The following TMEM132B variants were observed in gnomAD, a reference collection of about 807,000 sequenced individuals.
TMEM132B encodes transmembrane protein 132B.
TMEM132B carries 18 observed loss-of-function variants against 90.8 expected under a neutral mutation model. The observed-to-expected ratio is 0.20, with a 90% CI of 0.14 to 0.29. The LOEUF (loss-of-function observed/expected upper bound fraction) is 0.29. Among genes scored for constraint, TMEM132B ranks in the 10% least tolerant of loss-of-function variants. TMEM132B has a pLI of 1.00. For synonymous variants in TMEM132B, 504 were observed against 523.3 expected, an observed-to-expected ratio of 0.96 and a Z score of 0.50; for missense variants, 1,096 against 1,326.8, an observed-to-expected ratio of 0.83 and a Z score of 2.70.
intron 5 of TMEM132B, among the ~76,000 whole-genome samples, chr12:125,625,501 G>T (rs893016825): frequency 2.6e-5 from 4 of 152,148 alleles, no homozygotes; most frequent in Non-Finnish European, 4.4e-5. Flanking sequence ...TTGATAGTGG[G>T]TTTCTTTTTA....
At chr12:125,447,925 A>C (rs1188366033) in intron 3 of TMEM132B, among the ~76,000 whole-genome samples, 1 of 152,172 alleles carries the variant, frequency 6.6e-6, no homozygotes, top group South Asian at 2.1e-4. Context: ...TTAAGAATCA[A>C]AATATTTTGA....
intron 1 of TMEM132B, among the ~76,000 whole-genome samples, chr12:125,275,686 G>T (rs1874967355): frequency 1.3e-5 from 2 of 152,134 alleles, no homozygotes; most frequent in East Asian, 1.9e-4. Context: ...TTGTAATTTT[G>T]TTATCTTGCA....
chr12:125,198,196 G>T (rs1188791030), intron 1 of TMEM132B, among the ~76,000 whole-genome samples: 11 of 152,216 alleles, frequency 7.2e-5, no homozygotes, highest in Admixed American at 3.9e-4. Context: ...CAATGGAGAT[G>T]ATGTGCCAAT....
At position 125,627,207 on chromosome 12, in the gene TMEM132B, T is replaced by C. The variant is rs75072479; in HGVS notation, c.1438-16869T>C. On this transcript the variant is annotated intron_variant, in intron 5 of 8. Coordinates refer to ENST00000682704, the MANE Select transcript of TMEM132B (RefSeq NM_001366854.1). ...TCTTCTCCTTTATGTTGCCTATCAT[T>C]TCCTCTAGAGCCTTTAACATATTCA... Among the ~76,000 whole-genome samples the C allele has an allele frequency of 3.7e-3, 569 of 152,318 alleles. 7 individuals carry two copies. Among genetic ancestry groups the C allele is most frequent in the African/African-American group, 0.013 (530 of 41,580 alleles).
chr12:125,486,680 G>A (rs1442849787), intron 3 of TMEM132B, among the ~76,000 whole-genome samples: 15 of 152,198 alleles, frequency 9.9e-5, no homozygotes, highest in Non-Finnish European at 1.5e-4. Context: ...TAAATATCAA[G>A]TTTCCAGGCA....
intron 4 of TMEM132B, among the ~76,000 whole-genome samples, chr12:125,562,286 T>A (rs564520136): frequency 6.6e-6 from 1 of 152,332 alleles, no homozygotes; most frequent in African/African-American, 2.4e-5. Flanking sequence ...CTGAAGGGAA[T>A]GTTGTGGCTG....
intron 5 of TMEM132B, among the ~76,000 whole-genome samples, chr12:125,632,582 A>G (rs1886392065): frequency 6.6e-6 from 1 of 152,104 alleles, no homozygotes; most frequent in South Asian, 2.1e-4. Flanking sequence ...AGGCCTGATG[A>G]TGAAATCCCT....
intron 1 of TMEM132B, among the ~76,000 whole-genome samples, chr12:125,290,046 C>T (rs1034784687): frequency 2.0e-5 from 3 of 152,156 alleles, no homozygotes; most frequent in African/African-American, 7.2e-5. Context: ...CCTGGATATG[C>T]CGTGTGTGTT....
chr12:125,334,680 T>C (rs942485493), intron 1 of TMEM132B, among the ~76,000 whole-genome samples: 6 of 152,244 alleles, frequency 3.9e-5, no homozygotes, highest in African/African-American at 1.4e-4. Context: ...CTGAGCTCCA[T>C]GCACAATGGA....
chr12:125,313,702 C>G (rs530935898), intron 1 of TMEM132B, among the ~76,000 whole-genome samples: 3 of 116,920 alleles, frequency 2.6e-5, no homozygotes, highest in African/African-American at 1.0e-4. Flanking sequence ...CCCTCCCCCC[C>G]TCCCTCCATT....
intron 1 of TMEM132B, among the ~76,000 whole-genome samples, chr12:125,315,945 C>A (rs1876257937): frequency 6.6e-6 from 1 of 152,084 alleles, no homozygotes; most frequent in African/African-American, 2.4e-5. Flanking sequence ...GGTCACCACC[C>A]CCTGGATGTT....
At chr12:125,639,958 G>A (rs560619075) in intron 5 of TMEM132B, among the ~76,000 whole-genome samples, 5 of 152,270 alleles carry the variant, frequency 3.3e-5, no homozygotes, top group African/African-American at 7.2e-5. Flanking sequence ...GGTCCAGGTG[G>A]GCTGGTCCAG....
chr12:125,573,474 G>A (rs1374003500), intron 4 of TMEM132B, among the ~76,000 whole-genome samples: 1 of 152,164 alleles, frequency 6.6e-6, no homozygotes, highest in Admixed American at 6.5e-5. Flanking sequence ...ATACTGCTGT[G>A]GAAAACAAAC....
At chr12:125,372,489 T>C (rs576769504) in intron 2 of TMEM132B, among the ~76,000 whole-genome samples, 2 of 152,340 alleles carry the variant, frequency 1.3e-5, no homozygotes, top group African/African-American at 2.4e-5. Flanking sequence ...TTATGCCCTA[T>C]TGGGTTTAGC....
Position 125,407,332 on chromosome 12 carries a change from C to G in TMEM132B, c.960-8199C>G, listed in dbSNP as rs1013850686. On this transcript the variant is annotated intron_variant, in intron 2 of 8. Transcript: ENST00000682704. This position sits in a 1 kb window ranked among gnomAD's most constrained non-coding sequence, Gnocchi z 6.7. ...ACTGCCCACCCACTATGTAGACAAC[C>G]AAACAAACCCAAAACCCTGTAGAGT... Among the ~76,000 whole-genome samples, 2 of 152,230 alleles carry G rather than the reference C, an allele frequency of 1.3e-5. No individual in the cohort carries two copies. The highest frequency in any genetic ancestry group is 2.4e-5 in the African/African-American group (1 of 41,454).
At chr12:125,514,877 T>C (rs1486145877) in intron 3 of TMEM132B, among the ~76,000 whole-genome samples, 3 of 151,768 alleles carry the variant, frequency 2.0e-5, no homozygotes, top group East Asian at 1.9e-4. Context: ...CCCTGTGTCT[T>C]CTCCTCCTCC....
At chr12:125,200,633 C>G (rs143433686) in intron 1 of TMEM132B, among the ~76,000 whole-genome samples, 160 of 152,250 alleles carry the variant, frequency 1.1e-3, no homozygotes, top group Non-Finnish European at 1.6e-3. Flanking sequence ...GGATCAGCAC[C>G]CACTGAAGAT....
intron 1 of TMEM132B, among the ~76,000 whole-genome samples, chr12:125,216,767 G>T (rs778606912): frequency 6.6e-6 from 1 of 152,228 alleles, no homozygotes; most frequent in Non-Finnish European, 1.5e-5. Flanking sequence ...GAGTGCAGCC[G>T]TGGGGACTTG....
intron 1 of TMEM132B, among the ~76,000 whole-genome samples, chr12:125,288,863 T>G (rs1875448032): frequency 6.6e-6 from 1 of 151,988 alleles, no homozygotes. Flanking sequence ...TTCCTCACAG[T>G]GGGGTGCTGG....
Sources: allele counts gnomAD v4.1 joint callset (sites outside exome capture counted in the v4.1 genomes callset), GRCh38; gene constraint gnomAD v4.1.1; non-coding constraint Gnocchi (gnomAD v3.1); transcripts MANE v1.5; gene names NCBI Gene and HGNC (gene_info 2026-07-23, HGNC 2026-07-21).